PLEKHG1: variants seen among roughly 807,000 people sequenced by gnomAD.
The protein encoded by PLEKHG1 is pleckstrin homology and RhoGEF domain containing G1, also known as pleckstrin homology domain-containing family G member 1.
A neutral mutation model predicts 100.8 loss-of-function variants in PLEKHG1; 44 were observed. The ratio of observed to expected loss-of-function variants is 0.44; its 90% CI spans 0.34 to 0.56. The LOEUF is 0.56. Among genes scored for constraint, PLEKHG1 ranks in the 20% least tolerant of loss-of-function variants. The pLI is 0.01. For missense variants in PLEKHG1, 1,545 were observed against 1,720.9 expected, an observed-to-expected ratio of 0.90 and a Z score of 1.81; for synonymous variants, 640 against 662.5, an observed-to-expected ratio of 0.97 and a Z score of 0.52.
intron 12 of PLEKHG1, 36 bp from the exon 14 acceptor site, chr6:150,821,159 T>C: frequency 1.5e-5 from 24 of 1,592,826 alleles, no homozygotes; most frequent in Non-Finnish European, 2.1e-5. Flanking sequence ...TTTGATTTGG[T>C]TTTGCCAATG....
At chr6:150,771,108 A>G (rs1784696083) in intron 3 of PLEKHG1, among the ~76,000 whole-genome samples, 1 of 152,072 alleles carries the variant, frequency 6.6e-6, no homozygotes, top group Admixed American at 6.6e-5. Context: ...CGTGTCTCCT[A>G]ATTTAAAGAA....
chr6:150,650,063 A>G (rs1778661550), intron 2 of PLEKHG1, among the ~76,000 whole-genome samples: 1 of 150,414 alleles, frequency 6.6e-6, no homozygotes, highest in Non-Finnish European at 1.5e-5. Flanking sequence ...TGTCTCAAAA[A>G]AAAAAAAAAA....
chr6:150,749,225 C>T (rs139776906), intron 2 of PLEKHG1, among the ~76,000 whole-genome samples: 14 of 152,232 alleles, frequency 9.2e-5, no homozygotes, highest in African/African-American at 1.2e-4. Flanking sequence ...CCAGTTAAGG[C>T]GGGTCCTCAA....
chr6:150,815,055 A>G (rs904747098), intron 10 of PLEKHG1, among the ~76,000 whole-genome samples: 18 of 152,196 alleles, frequency 1.2e-4, no homozygotes, highest in Admixed American at 1.0e-3. Flanking sequence ...TTTATTCACT[A>G]TAATGTAATC....
chr6:150,826,295 T>C (rs1015373068), intron 14 of PLEKHG1, among the ~76,000 whole-genome samples: 1 of 151,548 alleles, frequency 6.6e-6, no homozygotes, highest in Non-Finnish European at 1.5e-5. Flanking sequence ...CCGTCTCTAC[T>C]AAAATACAAA....
intron 2 of PLEKHG1, among the ~76,000 whole-genome samples, chr6:150,743,250 C>T (rs1469506320): frequency 1.3e-5 from 2 of 152,062 alleles, no homozygotes; most frequent in East Asian, 1.9e-4. Context: ...CTGGGTGTGG[C>T]GGCTCATGCC....
chr6:150,604,262 G>T lies in PLEKHG1; in HGVS notation c.-204+4245G>T, dbSNP rs530717103. Among the ~76,000 whole-genome samples, 4 of 152,304 alleles carry T rather than the reference G, an allele frequency of 2.6e-5. No homozygotes were observed. In the East Asian group the frequency reaches 7.7e-4, roughly 29 times the overall value. On this transcript the variant is annotated intron_variant, in intron 1 of 3. Transcript: ENST00000367326. ...ATATTTGAAGTGGTGAATAGATCTAGTTCTCTGGGTCTAGTCACATTGAGC... is the reference window on the plus strand; with the variant it reads ...ATATTTGAAGTGGTGAATAGATCTATTTCTCTGGGTCTAGTCACATTGAGC...
In PLEKHG1 at chr6:150,689,152, C is replaced by T. The variant is rs117736192; in HGVS notation, c.-99+38366C>T. Among the ~76,000 whole-genome samples, 628 of 152,252 alleles carry T rather than the reference C, an allele frequency of 4.1e-3. 12 individuals are homozygous for T. The East Asian group carries it at 0.042, about 10-fold the overall frequency. ...ATGAGTGGAATTATCTAATATTTGTCCTTTTCTGTTTGACTTATTTCACTC... is the reference window on the plus strand; with the variant it reads ...ATGAGTGGAATTATCTAATATTTGTTCTTTTCTGTTTGACTTATTTCACTC... On this transcript the variant is annotated intron_variant, in intron 3 of 3. Transcript: ENST00000367326.
Position 150,816,326 on chromosome 6 carries a change from C to CTTTTTTTTTTTTTTTTT in PLEKHG1, c.1279-1842_1279-1826dup, listed in dbSNP as rs1173343082. Among the ~76,000 whole-genome samples, 52 of 41,132 alleles carry CTTTTTTTTTTTTTTTTT rather than the reference C, an allele frequency of 1.3e-3. 14 individuals are homozygous for CTTTTTTTTTTTTTTTTT. The highest frequency in any genetic ancestry group is 2.8e-3 in the East Asian group (3 of 1,060). 27.0% of individuals were successfully genotyped at this position (41,132 alleles called of 152,430 possible). ...GAGGTTTGAAGTTGTCTCAAACATA[C>CTTTTTTTTTTTTTTTTT]TTTTTTTTTTTTTTTTTTTTTTTTT... On this transcript the variant is annotated intron_variant, in intron 10 of 15. Transcript: ENST00000358517.
intron 1 of PLEKHG1, among the ~76,000 whole-genome samples, chr6:150,630,520 C>CT (rs2128561349): frequency 6.6e-6 from 1 of 152,272 alleles, no homozygotes; most frequent in African/African-American, 2.4e-5. Flanking sequence ...TCCTGAATAT[C>CT]TGAGTACAGT....
intron 1 of PLEKHG1, among the ~76,000 whole-genome samples, chr6:150,635,738 A>C (rs1040881582): frequency 2.6e-5 from 4 of 152,188 alleles, no homozygotes; most frequent in Admixed American, 6.5e-5. Context: ...TTAAATGTTC[A>C]TGTTAATTAT....
At chr6:150,640,361 C>T (rs910110587) in intron 2 of PLEKHG1, among the ~76,000 whole-genome samples, 4 of 152,204 alleles carry the variant, frequency 2.6e-5, no homozygotes, top group Non-Finnish European at 5.9e-5. Context: ...CTTGAGAACA[C>T]ACAGGGCCAT....
rs1316896450 is a variant in PLEKHG1, at chr6:150,683,376, G to T, written c.-99+32590G>T. On this transcript the variant is annotated intron_variant, in intron 3 of 3. Transcript: ENST00000367326. This position sits in a 1 kb window ranked among gnomAD's most constrained non-coding sequence, Gnocchi z 4.0. ...GTCCCTTTTCTTGAGAGGAGAGGGGGTGTATATTACAATAAGACAGGTTCC... is the reference window on the plus strand; with the variant it reads ...GTCCCTTTTCTTGAGAGGAGAGGGGTTGTATATTACAATAAGACAGGTTCC... 6.6e-6 allele frequency among the ~76,000 whole-genome samples: 1 copy of T among 151,940 alleles called. No homozygotes were observed. The highest frequency in any genetic ancestry group is 6.6e-5 in the Admixed American group (1 of 15,252).
intron 10 of PLEKHG1, among the ~76,000 whole-genome samples, chr6:150,815,107 T>C (rs1245100582): frequency 1.3e-5 from 2 of 152,266 alleles, no homozygotes; most frequent in Non-Finnish European, 2.9e-5. Flanking sequence ...AAGTGAACTT[T>C]CCACATCTTT....
intron 1 of PLEKHG1, chr6:150,624,724 C>T (rs898500133): frequency 6.6e-6 from 1 of 152,108 alleles, no homozygotes; most frequent in Non-Finnish European, 1.5e-5. Flanking sequence ...ACTTCAACAA[C>T]AGCAGGCAGT....
exon 6 of PLEKHG1, chr6:150,800,770 C>G (rs763403565): frequency 6.2e-7 from 1 of 1,613,770 alleles, no homozygotes; most frequent in South Asian, 1.1e-5. Flanking sequence ...TGGCCAAATT[C>G]TTCAGGGAGC....
intron 3 of PLEKHG1, among the ~76,000 whole-genome samples, chr6:150,652,610 C>T (rs912873819): frequency 6.6e-6 from 1 of 151,582 alleles, no homozygotes; most frequent in African/African-American, 2.4e-5. Context: ...ATCCCCGCTA[C>T]TTGGGAGGCT....
At chr6:150,814,069 G>T (rs1161389688) in intron 10 of PLEKHG1, among the ~76,000 whole-genome samples, 1 of 152,206 alleles carries the variant, frequency 6.6e-6, no homozygotes, top group Non-Finnish European at 1.5e-5. Flanking sequence ...AAATGAATGT[G>T]CATAGGTGTG....
intron 1 of PLEKHG1, among the ~76,000 whole-genome samples, chr6:150,608,570 CA>C (rs1408184553): frequency 6.6e-6 from 1 of 152,166 alleles, no homozygotes; most frequent in Non-Finnish European, 1.5e-5. Flanking sequence ...ATATGCTTGG[CA>C]AATGTTCAGA....
Sources: gnomAD v4.1 joint callset for allele counts (sites outside exome capture counted in the v4.1 genomes callset) on GRCh38, gnomAD v4.1.1 for gene constraint, Gnocchi (gnomAD v3.1) non-coding constraint, MANE v1.5 for transcripts, NCBI Gene and HGNC (gene_info 2026-07-23, HGNC 2026-07-21) for gene names.